The following MAP4K5 variants were observed in gnomAD, a reference collection of about 807,000 sequenced individuals.
MAP4K5 encodes mitogen-activated protein kinase kinase kinase kinase 5.
In MAP4K5, 82 loss-of-function variants were observed where a neutral mutation model predicts 135.6. The observed-to-expected ratio is 0.60, with a 90% confidence interval of 0.51 to 0.73. MAP4K5 has a LOEUF of 0.73. Among genes scored for constraint, MAP4K5 ranks in the 30% least tolerant of loss-of-function variants. MAP4K5 has a pLI of 0.00. For missense variants in MAP4K5, 907 were observed against 1,010.9 expected (o/e 0.90, Z 1.39); for synonymous variants, 347 against 335.0 (o/e 1.04, Z -0.39).
At chr14:50,510,461 C>G (rs556382015) in intron 2 of MAP4K5, among the ~76,000 whole-genome samples, 1 of 152,268 alleles carries the variant, frequency 6.6e-6, no homozygotes, top group East Asian at 1.9e-4. Context: ...CATCTTAGCT[C>G]TACGCATGAT....
chr14:50,425,819 T>C, intron 31 of MAP4K5, 88 bp downstream of exon 31: 1 of 859,450 alleles, frequency 1.2e-6, no homozygotes, highest in Non-Finnish European at 1.9e-6. Flanking sequence ...CACAGTAATG[T>C]AGGTTCAGAG....
intron 28 of MAP4K5, 150 bp downstream of exon 28, chr14:50,434,244 A>G (rs2036038088): frequency 1.7e-6 from 1 of 595,396 alleles, no homozygotes; most frequent in East Asian, 2.8e-5. Flanking sequence ...TCATAAATAT[A>G]CGTACACGGT....
upstream of MAP4K5, among the ~76,000 whole-genome samples, chr14:50,535,996 G>A (rs61982171): frequency 0.01 from 1,561 of 152,318 alleles, 14 homozygotes; most frequent in Non-Finnish European, 0.013. Flanking sequence ...TTTGCCTGCT[G>A]CCATCGTGTG....
rs754328193 is a variant in MAP4K5, at chr14:50,476,317, A to T, written c.379-11T>A. The T allele has an allele frequency of 2.7e-4, 67 of 249,570 alleles. No homozygotes were observed. Among genetic ancestry groups the T allele is most frequent in the South Asian group, 1.3e-3 (10 of 7,770 alleles). The allele number at this position is 249,570 out of a possible 1,614,324, so 15.5% of individuals were successfully genotyped here. On this transcript the variant is annotated splice_polypyrimidine_tract_variant and intron_variant, in intron 6 of 32. Coordinates refer to ENST00000682126, the MANE Select transcript of MAP4K5 (RefSeq NM_006575.6). ...CAAATAGGCAAGACCCTAAAAGTTT[A>T]AAAAAAAAAAAAAAGAATGTATCAG...
At chr14:50,445,287 A>G (rs2036320322) in intron 17 of MAP4K5, 93 bp from the exon 18 acceptor site, 2 of 1,151,598 alleles carry the variant, frequency 1.7e-6, no homozygotes, top group African/African-American at 3.1e-5. Context: ...TCATTCTTCT[A>G]TACAGTTCAA....
intron 32 of MAP4K5, among the ~76,000 whole-genome samples, chr14:50,422,820 A>C (rs1190623700): frequency 2.0e-5 from 3 of 152,236 alleles, no homozygotes; most frequent in Non-Finnish European, 4.4e-5. Context: ...CACCATGAAG[A>C]AATGAAGACA....
intron 1 of MAP4K5, among the ~76,000 whole-genome samples, chr14:50,557,491 C>G (rs964244075): frequency 7.2e-5 from 11 of 152,140 alleles, no homozygotes; most frequent in African/African-American, 2.7e-4. Flanking sequence ...TTCTGGAAAT[C>G]ACTCTGTATT....
intron 1 of MAP4K5, among the ~76,000 whole-genome samples, chr14:50,554,140 C>T (rs577302784): frequency 4.6e-5 from 7 of 151,578 alleles, no homozygotes; most frequent in African/African-American, 1.2e-4. Flanking sequence ...AAAACCAATA[C>T]GTACCCTTAG....
At chr14:50,465,327 A>G (rs1020797558) in intron 11 of MAP4K5, among the ~76,000 whole-genome samples, 1 of 152,208 alleles carries the variant, frequency 6.6e-6, no homozygotes, top group East Asian at 1.9e-4. Flanking sequence ...TGTAATCTAG[A>G]TAAGGAATTC....
chr14:50,464,832 T>C (rs1391857276), intron 11 of MAP4K5, among the ~76,000 whole-genome samples: 2 of 152,146 alleles, frequency 1.3e-5, no homozygotes, highest in African/African-American at 4.8e-5. Flanking sequence ...CTGCATCACA[T>C]TTGGTGGCTT....
In MAP4K5 at chr14:50,517,562, G is replaced by A. The variant is rs527426096; in HGVS notation, c.109-12705C>T. On this transcript the variant is annotated intron_variant, in intron 2 of 32. Coordinates refer to ENST00000682126, the MANE Select transcript of MAP4K5 (RefSeq NM_006575.6). ...GTGGGTGGATAACTTGAGGTCGGGAGTTCAAGACCATCCTGGTCAACATGG... is the reference window on the plus strand; with the variant it reads ...GTGGGTGGATAACTTGAGGTCGGGAATTCAAGACCATCCTGGTCAACATGG... Among the ~76,000 whole-genome samples, 21 of 152,126 alleles carry A rather than the reference G, an allele frequency of 1.4e-4. No individual in the cohort carries two copies. The East Asian group carries it at 3.9e-3, about 28-fold the overall frequency.
chr14:50,449,076 C>A, intron 14 of MAP4K5: 1 of 409,516 alleles, frequency 2.4e-6, no homozygotes, highest in Non-Finnish European at 4.3e-6. Context: ...TTAAACAGTT[C>A]TTTTTGTATA....
intron 13 of MAP4K5, among the ~76,000 whole-genome samples, chr14:50,457,968 C>T (rs566005150): frequency 6.6e-6 from 1 of 152,240 alleles, no homozygotes; most frequent in East Asian, 1.9e-4. Flanking sequence ...GTTACCTTTG[C>T]GTTTACACAT....
intron 1 of MAP4K5, among the ~76,000 whole-genome samples, chr14:50,547,391 C>A (rs187170742): frequency 6.6e-6 from 1 of 152,190 alleles, no homozygotes; most frequent in Non-Finnish European, 1.5e-5. Flanking sequence ...GAAATGAAAT[C>A]TGTTATGTAG....
chr14:50,470,928 G>C (rs2036946538), intron 9 of MAP4K5, among the ~76,000 whole-genome samples: 1 of 152,030 alleles, frequency 6.6e-6, no homozygotes, highest in South Asian at 2.1e-4. Flanking sequence ...GAATAAAGAA[G>C]ATAAATATTG....
chr14:50,500,887 G>A (rs763720771), intron 3 of MAP4K5, among the ~76,000 whole-genome samples: 3 of 152,112 alleles, frequency 2.0e-5, no homozygotes, highest in African/African-American at 4.8e-5. Flanking sequence ...GGTTTGAGAA[G>A]AATAATCAAT....
chr14:50,549,743 A>G (rs1472558941), intron 1 of MAP4K5, among the ~76,000 whole-genome samples: 5 of 152,164 alleles, frequency 3.3e-5, no homozygotes, highest in Non-Finnish European at 4.4e-5. Context: ...ATATAACCCA[A>G]CAGGGGCAGG....
chr14:50,443,949 C>T lies in MAP4K5; in HGVS notation c.1427G>A (p.Arg476Gln), dbSNP rs866632426. 2.1e-5 allele frequency: 33 copies of T among 1,606,022 alleles called. No homozygotes were observed. Among genetic ancestry groups the T allele is most frequent in the Non-Finnish European group, 2.6e-5 (31 of 1,175,578 alleles). Residue 476 changes from arginine (R) to glutamine (Q), a missense_variant, in exon 19 of 33, where the codon CGA (arginine) becomes CAA (glutamine). This residue lies in a region of MAP4K5 where 690 missense variants were observed against 777.4 expected (regional missense o/e 0.89). Transcript: ENST00000682126. ...GCCTGTTATACCTACAGGGAAGTCT[C>T]GTTTGTCCTTTTTTCGTGGTAACTG... ...APQLPRKKDK[R>Q]DFPKPAINGL...
chr14:50,554,523 G>A (rs1199320475), intron 1 of MAP4K5, among the ~76,000 whole-genome samples: 1 of 152,172 alleles, frequency 6.6e-6, no homozygotes, highest in Non-Finnish European at 1.5e-5. Context: ...TCCCCACTAG[G>A]TTATTTAAGG....
Sources: gnomAD v4.1 joint callset for allele counts (sites outside exome capture counted in the v4.1 genomes callset) on GRCh38, gnomAD v4.1.1 for gene constraint, gnomAD v4.1.1 regional missense constraint, MANE v1.5 for transcripts, NCBI Gene and HGNC (gene_info 2026-07-23, HGNC 2026-07-21) for gene names.